Variants in USP49 observed in about 807,000 individuals in gnomAD.
USP49 encodes the protein ubiquitin carboxyl-terminal hydrolase 49.
Under a neutral mutation model 58.6 loss-of-function variants are expected in USP49, and 24 were observed. The observed-to-expected ratio is 0.41, with a 90% CI of 0.30 to 0.58. USP49 has a LOEUF of 0.58. Ranked by LOEUF, USP49 falls within the 20% of genes least tolerant of loss-of-function variation. The pLI is 0.30. For synonymous variants in USP49, 408 were observed against 365.1 expected (o/e 1.12, Z -1.34); for missense variants, 703 against 866.1 (o/e 0.81, Z 2.36).
chr6:41,856,529 C>T (rs1197196655), intron 3 of USP49, among the ~76,000 whole-genome samples: 1 of 152,164 alleles, frequency 6.6e-6, no homozygotes, highest in Non-Finnish European at 1.5e-5. Context: ...AGAAACACTC[C>T]GAAGACAAGC....
chr6:41,832,807 T>C (rs1049270385), intron 3 of USP49: 5 of 152,196 alleles, frequency 3.3e-5, no homozygotes, highest in Non-Finnish European at 5.9e-5. Flanking sequence ...ACTAAAATGA[T>C]TGACTAATTG....
In USP49 at chr6:41,794,286, A is replaced by T. The variant is rs1181986110; in HGVS notation, c.*2247T>A. 1 of 152,256 alleles carries T rather than the reference A, an allele frequency of 6.6e-6. No homozygotes were observed. Among genetic ancestry groups the T allele is most frequent in the Non-Finnish European group, 1.5e-5 (1 of 68,036 alleles). The allele number at this position is 152,256 out of a possible 1,614,324, so 9.4% of individuals were successfully genotyped here. On this transcript the variant is annotated 3_prime_UTR_variant, in exon 8 of 8. Coordinates refer to ENST00000682992, the MANE Select transcript of USP49 (RefSeq NM_001286554.2). The stretch of plus-strand genomic sequence containing the variant: ...CTCAGCTAAGTTAAGCACTTATTTC[A>T]CAAAGTCCTTAATCTGCTTAATAAA...
rs779206361 is a variant in USP49 at position 41,803,844 on chromosome 6, G to A, written c.1523C>T (p.Ala508Val). ...ACAAGCGTAGATTCTCCCTTCCAGG[G>A]CCTCTGTCTCTGTGAATTTGGCCAG... The part of the protein sequence containing the change: ...EMLAKFTETE[A>V]LEGRIYACDQ... Residue 508 changes from alanine to valine, a missense_variant, in exon 5 of 8, where the codon GCC becomes GTC. Ala to Val is a moderately conservative substitution (Grantham distance 64). This residue lies in a region of USP49 where 158 missense variants were observed against 241.2 expected (regional missense o/e 0.66). Coordinates refer to ENST00000682992, the MANE Select transcript of USP49 (RefSeq NM_001286554.2). The surrounding 1 kb of genome is among the most constrained non-coding windows in gnomAD (Gnocchi z 4.1). The A allele has an allele frequency of 1.2e-5, 19 of 1,614,102 alleles. No homozygotes were observed. Among genetic ancestry groups the A allele is most frequent in the Non-Finnish European group, 1.5e-5 (18 of 1,180,016 alleles).
intron 2 of USP49, among the ~76,000 whole-genome samples, chr6:41,887,836 T>G (rs1774740692): frequency 6.6e-6 from 1 of 152,162 alleles, no homozygotes; most frequent in South Asian, 2.1e-4. Flanking sequence ...GTTTACAATT[T>G]GACATATAAT....
chr6:41,809,304 C>A (rs564609042), intron 3 of USP49, among the ~76,000 whole-genome samples: 1 of 151,772 alleles, frequency 6.6e-6, no homozygotes, highest in East Asian at 2.0e-4. Context: ...AGGTGGATCA[C>A]CTAAGGTCAG....
chr6:41,873,706 A>T (rs943708601), intron 2 of USP49, among the ~76,000 whole-genome samples: 3 of 152,238 alleles, frequency 2.0e-5, no homozygotes, highest in Non-Finnish European at 4.4e-5. Context: ...AATCAGTCCT[A>T]CACTAAGCAG....
intron 3 of USP49, among the ~76,000 whole-genome samples, chr6:41,832,487 C>T (rs1383299934): frequency 1.3e-5 from 2 of 152,198 alleles, no homozygotes; most frequent in African/African-American, 4.8e-5. Context: ...CAATAAACAG[C>T]TCACACACAT....
chr6:41,803,922 A>G lies in USP49; in HGVS notation c.1445T>C (p.Ile482Thr). The G allele has an allele frequency of 6.2e-7, 1 of 1,614,194 alleles. No individual in the cohort carries two copies. The highest frequency in any genetic ancestry group is 8.5e-7 in the Non-Finnish European group (1 of 1,180,046). The change falls in exon 5 of 8, where the codon ATA becomes ACA. Residue 482 changes from isoleucine (I) to threonine (T), a missense_variant. Physicochemically the swap from Ile to Thr is moderately conservative, Grantham distance 89. Transcript: ENST00000682992. The surrounding 1 kb of genome is among the most constrained non-coding windows in gnomAD (Gnocchi z 4.1). Reference sequence around the variant, plus strand: ...ATTCAAAGGGACAAACCCCTTTTCTATGCAGTGATAGCGTTCAGGGAATTC... The same window carrying G: ...ATTCAAAGGGACAAACCCCTTTTCTGTGCAGTGATAGCGTTCAGGGAATTC... ...SLEFPERYHC[I>T]EKGFVPLNQT...
Position 41,803,865 on chromosome 6 carries a change from G to A in USP49, c.1502C>T (p.Ala501Val). 6.2e-7 allele frequency: 1 copy of A among 1,614,164 alleles called. No homozygotes were observed. ...CAGGGCCTCTGTCTCTGTGAATTTG[G>A]CCAGCATCTCAGTGAGCAAGCACTC... The part of the protein sequence containing the change: ...QTECLLTEML[A>V]KFTETEALEG... The change falls in exon 5 of 8, where the codon GCC becomes GTC. Residue 501 changes from alanine to valine, a missense_variant. By Grantham distance (64) the Ala-to-Val change is moderately conservative (BLOSUM62 0). Transcript: ENST00000682992. This position sits in a 1 kb window ranked among gnomAD's most constrained non-coding sequence, Gnocchi z 4.1.
At chr6:41,807,978 A>G (rs1002274588) in intron 3 of USP49, among the ~76,000 whole-genome samples, 3 of 151,624 alleles carry the variant, frequency 2.0e-5, no homozygotes, top group Non-Finnish European at 4.4e-5. Context: ...AGATTTAACC[A>G]TGTTGGCCAG....
Position 41,795,563 on chromosome 6 carries a change from G to A in USP49, c.*970C>T, listed in dbSNP as rs1471110654. 6.6e-6 allele frequency: 1 copy of A among 152,272 alleles called. No individual in the cohort carries two copies. The highest frequency in any genetic ancestry group is 2.4e-5 in the African/African-American group (1 of 41,460). The allele number at this position is 152,272 out of a possible 1,614,324, so 9.4% of individuals were successfully genotyped here. ...TGAACATGAATGTTCTAGCTCTCCA[G>A]GAGCAAGAAAGAAGCTGCAGGCTAA... On this transcript the variant is annotated 3_prime_UTR_variant, in exon 8 of 8. Coordinates refer to ENST00000682992, the MANE Select transcript of USP49 (RefSeq NM_001286554.2).
intron 3 of USP49, among the ~76,000 whole-genome samples, chr6:41,821,429 G>C (rs1582002781): frequency 6.6e-6 from 1 of 152,148 alleles, no homozygotes. Context: ...AAATGCCCTT[G>C]CTTAGCCAAA....
rs535466648 is a variant in USP49, at chr6:41,888,613, CT to C, written c.-103+3180del. Reference sequence around the variant, plus strand: ...GGATTACAGGCATGCGCCACCACACCTGTCTAATTTTGTATTTTTAGTAGAG... The same window carrying C: ...GGATTACAGGCATGCGCCACCACACCGTCTAATTTTGTATTTTTAGTAGAG... On this transcript the variant is annotated intron_variant, in intron 2 of 7. Transcript: ENST00000682992. 7.9e-5 allele frequency among the ~76,000 whole-genome samples: 12 copies of C among 152,014 alleles called. No homozygotes were observed. In the South Asian group the frequency reaches 2.3e-3, roughly 29 times the overall value.
At chr6:41,863,458 G>C (rs940778969) in intron 3 of USP49, among the ~76,000 whole-genome samples, 1 of 152,082 alleles carries the variant, frequency 6.6e-6, no homozygotes, top group African/African-American at 2.4e-5. Context: ...TGACGCCTCC[G>C]ATCTTTCTGG....
chr6:41,798,461 A>C, intron 7 of USP49: 1 of 894,186 alleles, frequency 1.1e-6, no homozygotes, highest in South Asian at 1.8e-5. Flanking sequence ...ATTTTAGTAG[A>C]GACGGGGTTT....
chr6:41,864,817 T>C (rs1774282234), intron 3 of USP49, among the ~76,000 whole-genome samples: 1 of 151,852 alleles, frequency 6.6e-6, no homozygotes. Flanking sequence ...GAGCAAAGAG[T>C]CTGACAGCCA....
At chr6:41,842,121 G>A (rs1404685076) in intron 3 of USP49, among the ~76,000 whole-genome samples, 1 of 151,820 alleles carries the variant, frequency 6.6e-6, no homozygotes, top group Non-Finnish European at 1.5e-5. Context: ...TGAAATTCCA[G>A]GAGCTTTTAA....
At chr6:41,846,096 A>C (rs1773917088) in intron 3 of USP49, among the ~76,000 whole-genome samples, 1 of 152,168 alleles carries the variant, frequency 6.6e-6, no homozygotes, top group African/African-American at 2.4e-5. Flanking sequence ...CAGGTGGATC[A>C]CTTGAGGTCA....
intron 3 of USP49, chr6:41,868,505 T>C (rs1287921388): frequency 6.6e-6 from 1 of 151,820 alleles, no homozygotes; most frequent in East Asian, 1.9e-4. Flanking sequence ...TTTTTGTATT[T>C]TTAGTAGAGA....
Sources: gnomAD v4.1 joint callset for allele counts (sites outside exome capture counted in the v4.1 genomes callset) on GRCh38, gnomAD v4.1.1 for gene constraint, gnomAD v4.1.1 regional missense constraint, Gnocchi (gnomAD v3.1) non-coding constraint, MANE v1.5 for transcripts, NCBI Gene and HGNC (gene_info 2026-07-23, HGNC 2026-07-21) for gene names.